SLCO1B3: variants seen among roughly 807,000 people sequenced by gnomAD.
SLCO1B3 encodes the protein liver-specific organic anion transporter 2.
SLCO1B3 carries 72 observed loss-of-function variants against 71.8 expected under a neutral mutation model. The observed-to-expected ratio is 1.00, with a 90% confidence interval of 0.83 to 1.22. The LOEUF (loss-of-function observed/expected upper bound fraction) is 1.22. Ranked by LOEUF, SLCO1B3 falls within the 50% of genes most tolerant of loss-of-function variation. The pLI, the probability that SLCO1B3 is intolerant of heterozygous loss-of-function variation, is 0.00. For synonymous variants in SLCO1B3, 298 were observed against 278.4 expected, an observed-to-expected ratio of 1.07 and a Z score of -0.70; for missense variants, 911 against 819.7, an observed-to-expected ratio of 1.11 and a Z score of -1.36.
chr12:20,911,124 T>C (rs1202768114), intron 15 of SLCO1B3, among the ~76,000 whole-genome samples: 1 of 152,158 alleles, frequency 6.6e-6, no homozygotes, highest in African/African-American at 2.4e-5. Context: ...AATTCTCCTC[T>C]ATTCCTAGTT....
At chr12:20,865,863 A>G (rs1474167806) in intron 8 of SLCO1B3, among the ~76,000 whole-genome samples, 1 of 152,108 alleles carries the variant, frequency 6.6e-6, no homozygotes, top group East Asian at 1.9e-4. Context: ...ACAGTATTAA[A>G]TCATGACTGC....
In SLCO1B3 at chr12:20,872,167, C is replaced by T. The variant is rs530234679; in HGVS notation, c.728-3068C>T. 1.3e-5 allele frequency among the ~76,000 whole-genome samples: 2 copies of T among 152,130 alleles called. 1 individual carries two copies. Among genetic ancestry groups the T allele is most frequent in the South Asian group, 4.1e-4 (2 of 4,824 alleles). On this transcript the variant is annotated intron_variant, in intron 8 of 15. Transcript: ENST00000381545. The stretch of plus-strand genomic sequence containing the variant: ...AGGAGCCTCTCCCTGTGTCCACCAC[C>T]ACCACAGGCCCAAGGAAGATTCTGC...
In SLCO1B3 at chr12:20,876,064, TATTAA is replaced by T. The variant is rs1054736563; in HGVS notation, c.970+593_970+597del. Among the ~76,000 whole-genome samples, 48 of 147,970 alleles carry T rather than the reference TATTAA, an allele frequency of 3.2e-4. 1 individual carries two copies. Among genetic ancestry groups the T allele is most frequent in the African/African-American group, 1.1e-3 (44 of 40,964 alleles). On this transcript the variant is annotated intron_variant, in intron 9 of 15. Coordinates refer to ENST00000381545, the MANE Select transcript of SLCO1B3 (RefSeq NM_019844.4). The stretch of plus-strand genomic sequence containing the variant: ...TTTCTTGGTAATTAAAATTATATCT[TATTAA>T]ATTAATTTTTATATATGAATTAAAA...
At chr12:20,900,871 T>A (rs1365037427) in intron 14 of SLCO1B3, among the ~76,000 whole-genome samples, 1 of 152,214 alleles carries the variant, frequency 6.6e-6, no homozygotes, top group Non-Finnish European at 1.5e-5. Context: ...ATTTACTTTT[T>A]AATTATCTTA....
intron 5 of SLCO1B3, 46 bp from the exon 6 acceptor site, chr12:20,860,971 T>C: frequency 6.6e-7 from 1 of 1,506,712 alleles, no homozygotes; most frequent in East Asian, 2.4e-5. Context: ...AAACTGAAAA[T>C]ATTCAGTAGA....
intron 3 of SLCO1B3, among the ~76,000 whole-genome samples, chr12:20,854,602 C>T (rs1050818893): frequency 3.3e-5 from 5 of 152,132 alleles, no homozygotes. Flanking sequence ...TCCTCTTTGC[C>T]TCCACAAAGT....
At chr12:20,814,827 G>A (rs1213261933) in intron 2 of SLCO1B3, among the ~76,000 whole-genome samples, 1 of 151,756 alleles carries the variant, frequency 6.6e-6, no homozygotes, top group Non-Finnish European at 1.5e-5. Flanking sequence ...AACCTGGGAG[G>A]CAGAGCTTAC....
intron 15 of SLCO1B3, among the ~76,000 whole-genome samples, chr12:20,912,465 A>T (rs1381943614): frequency 1.4e-5 from 2 of 144,956 alleles, no homozygotes; most frequent in African/African-American, 5.1e-5. Context: ...AGTAGCGGGG[A>T]TTACAGGTGT....
intron 12 of SLCO1B3, among the ~76,000 whole-genome samples, chr12:20,882,372 A>G (rs1474347432): frequency 6.6e-6 from 1 of 152,156 alleles, no homozygotes; most frequent in African/African-American, 2.4e-5. Flanking sequence ...GGAAAAAAGG[A>G]ATCTTTCTTG....
intron 13 of SLCO1B3, among the ~76,000 whole-genome samples, chr12:20,896,638 A>G (rs1430205677): frequency 6.6e-6 from 1 of 152,116 alleles, no homozygotes; most frequent in Admixed American, 6.5e-5. Flanking sequence ...AAACTTTCCC[A>G]TATTTTCTTG....
Position 20,913,425 on chromosome 12 carries a change from C to G in SLCO1B3, c.1866-2579C>G, listed in dbSNP as rs183199725. Among the ~76,000 whole-genome samples the G allele has an allele frequency of 3.5e-4, 53 of 152,282 alleles. 1 individual carries two copies. The highest frequency in any genetic ancestry group is 3.0e-3 in the Admixed American group (46 of 15,294). On this transcript the variant is annotated intron_variant, in intron 15 of 15. Coordinates refer to ENST00000381545, the MANE Select transcript of SLCO1B3 (RefSeq NM_019844.4). Reference sequence around the variant, plus strand: ...AGACTTACTGCATTTCTCTTTGCAGCTCTATCATTTTCTCCTCACATATTT... The same window carrying G: ...AGACTTACTGCATTTCTCTTTGCAGGTCTATCATTTTCTCCTCACATATTT...
chr12:20,915,707 C>T (rs568872762), intron 15 of SLCO1B3, among the ~76,000 whole-genome samples: 1 of 152,262 alleles, frequency 6.6e-6, no homozygotes, highest in Non-Finnish European at 1.5e-5. Flanking sequence ...CAGTTTCTGT[C>T]TCCCACTCCT....
chr12:20,888,953 G>A (rs982544057), intron 13 of SLCO1B3, among the ~76,000 whole-genome samples: 1 of 151,876 alleles, frequency 6.6e-6, no homozygotes, highest in Non-Finnish European at 1.5e-5. Flanking sequence ...TTTATCATAC[G>A]CTTTTTGAAA....
At position 20,883,528 on chromosome 12, in the gene SLCO1B3, C is replaced by G; in HGVS notation, c.1608C>G (p.Ile536Met). Residue 536 changes from isoleucine to methionine, a missense_variant, in exon 13 of 16, where the codon ATC becomes ATG. Coordinates refer to ENST00000381545, the MANE Select transcript of SLCO1B3 (RefSeq NM_019844.4). ...RDNTCTRKFF[I>M]YVAIQVINSL... ...ATACTTGTACAAGGAAATTTTTCAT[C>G]TATGTTGCAATTCAAGTCATAAACT... 6.2e-7 allele frequency: 1 copy of G among 1,605,134 alleles called. No homozygotes were observed. Among genetic ancestry groups the G allele is most frequent in the Non-Finnish European group, 8.5e-7 (1 of 1,176,644 alleles).
chr12:20,904,442 A>G lies in SLCO1B3; in HGVS notation c.1865+2975A>G, dbSNP rs556576126. Among the ~76,000 whole-genome samples, 5 of 152,230 alleles carry G rather than the reference A, an allele frequency of 3.3e-5. No individual in the cohort carries two copies. In the South Asian group the frequency reaches 1.0e-3, roughly 32 times the overall value. ...CATGTCACACATCTAGGGCACAATG[A>G]TGCAAGAGATTTGTGCCCAAGGCTT... On this transcript the variant is annotated intron_variant, in intron 15 of 15. Transcript: ENST00000381545.
At chr12:20,853,611 T>A (rs927596783) in intron 3 of SLCO1B3, among the ~76,000 whole-genome samples, 1 of 151,958 alleles carries the variant, frequency 6.6e-6, no homozygotes, top group Non-Finnish European at 1.5e-5. Context: ...GCTATTTAAG[T>A]CTCTCTCTCT....
At chr12:20,817,385 A>G (rs1013680914) in intron 3 of SLCO1B3, among the ~76,000 whole-genome samples, 1 of 152,088 alleles carries the variant, frequency 6.6e-6, no homozygotes, top group Non-Finnish European at 1.5e-5. Flanking sequence ...GTTTTTGTAT[A>G]TGGCTAGAAA....
At chr12:20,866,676 G>C (rs1278161955) in intron 8 of SLCO1B3, among the ~76,000 whole-genome samples, 4 of 152,012 alleles carry the variant, frequency 2.6e-5, no homozygotes, top group Non-Finnish European at 5.9e-5. Context: ...AGTCATTGAG[G>C]AGAAAGGACA....
chr12:20,909,012 T>G (rs1253718168), intron 15 of SLCO1B3, among the ~76,000 whole-genome samples: 17 of 152,170 alleles, frequency 1.1e-4, no homozygotes, highest in Admixed American at 1.1e-3. Context: ...CAACAATGAA[T>G]GAGAGTTTCT....
Sources: gnomAD v4.1 joint callset for allele counts (sites outside exome capture counted in the v4.1 genomes callset) on GRCh38, gnomAD v4.1.1 for gene constraint, MANE v1.5 for transcripts, NCBI Gene and HGNC (gene_info 2026-07-23, HGNC 2026-07-21) for gene names.